IL34: variants seen among roughly 807,000 people sequenced by gnomAD.
The protein encoded by IL34 is interleukin-34.
IL34 carries 17 observed loss-of-function variants against 25.3 expected under a neutral mutation model. The observed-to-expected ratio is 0.67, with a 90% CI of 0.46 to 1.01. The LOEUF is 1.01. Ranked by LOEUF, IL34 falls within the 50% of genes least tolerant of loss-of-function variation. The pLI is 0.00. For missense variants in IL34, 368 were observed against 312.9 expected (o/e 1.18, Z -1.33); for synonymous variants, 174 against 140.9 (o/e 1.23, Z -1.66).
intron 1 of IL34, among the ~76,000 whole-genome samples, chr16:70,592,932 C>T (rs11643138): frequency 0.062 from 9,443 of 152,256 alleles, 417 homozygotes; most frequent in South Asian, 0.14. Flanking sequence ...GGATTACAGG[C>T]GTGAGCCACC....
At chr16:70,625,658 A>G (rs948148732) in intron 1 of IL34, among the ~76,000 whole-genome samples, 2 of 152,242 alleles carry the variant, frequency 1.3e-5, no homozygotes, top group Admixed American at 1.3e-4. Flanking sequence ...ATGATTAAAC[A>G]CCAAGGGAAG....
intron 1 of IL34, among the ~76,000 whole-genome samples, chr16:70,610,752 G>C (rs1248939431): frequency 1.3e-5 from 2 of 152,214 alleles, no homozygotes; most frequent in Non-Finnish European, 2.9e-5. Flanking sequence ...TCCAGGAAGA[G>C]ATAAGGCAAA....
chr16:70,596,463 G>T, intron 1 of IL34, among the ~76,000 whole-genome samples: 1 of 152,326 alleles, frequency 6.6e-6, no homozygotes, highest in Admixed American at 6.5e-5. Context: ...TGCAAAGCAG[G>T]CATCTGAGTG....
chr16:70,644,630 C>A (rs57738457), upstream of IL34, among the ~76,000 whole-genome samples: 44,338 of 148,852 alleles, frequency 0.3, 6,857 homozygotes, highest in South Asian at 0.46. Flanking sequence ...AAACTAATGA[C>A]AACTAAATGT....
chr16:70,580,606 C>A lies in IL34; in HGVS notation c.-401+557C>A, dbSNP rs1188011415. ...GACCAGCCTGGCCAACAAGATGAAA[C>A]CCTGTCTCTACTAAAAATACAAAAG... On this transcript the variant is annotated intron_variant, in intron 1 of 6. Transcript: ENST00000429149. 2.0e-5 allele frequency among the ~76,000 whole-genome samples: 3 copies of A among 151,998 alleles called. No individual in the cohort carries two copies. The East Asian group carries it at 5.8e-4, about 29-fold the overall frequency.
At chr16:70,639,478 A>C (rs1381774007) in intron 1 of IL34, among the ~76,000 whole-genome samples, 1 of 152,232 alleles carries the variant, frequency 6.6e-6, no homozygotes, top group African/African-American at 2.4e-5. Context: ...ATGAATTAGA[A>C]TATCACAATT....
chr16:70,609,985 C>A (rs1299691406), intron 1 of IL34, among the ~76,000 whole-genome samples: 2 of 152,182 alleles, frequency 1.3e-5, no homozygotes, highest in African/African-American at 4.8e-5. Context: ...AGGTGGATCA[C>A]CTGAGGTCTG....
intron 1 of IL34, among the ~76,000 whole-genome samples, chr16:70,634,161 T>C (rs1045651105): frequency 7.2e-5 from 11 of 152,088 alleles, no homozygotes; most frequent in African/African-American, 1.9e-4. Context: ...ATCTCTCTCT[T>C]CTTATCAGGA....
chr16:70,608,106 G>C (rs1197259998), intron 1 of IL34, among the ~76,000 whole-genome samples: 3 of 140,074 alleles, frequency 2.1e-5, no homozygotes, highest in African/African-American at 8.0e-5. Context: ...GGTGAATTAT[G>C]ATGATTGATT....
At chr16:70,585,362 C>G (rs892891957) in intron 1 of IL34, among the ~76,000 whole-genome samples, 1 of 152,122 alleles carries the variant, frequency 6.6e-6, no homozygotes, top group Admixed American at 6.5e-5. Flanking sequence ...TTGCTGAGAC[C>G]ACAGGCAAGT....
chr16:70,619,303 G>A (rs995584624), intron 1 of IL34, among the ~76,000 whole-genome samples: 9 of 152,026 alleles, frequency 5.9e-5, no homozygotes, highest in African/African-American at 2.2e-4. Flanking sequence ...GAGGTATCTT[G>A]TGGGTTAAGG....
chr16:70,617,368 G>A (rs1158953972), intron 1 of IL34, among the ~76,000 whole-genome samples: 1 of 152,206 alleles, frequency 6.6e-6, no homozygotes, highest in Non-Finnish European at 1.5e-5. Flanking sequence ...GATATCAGCT[G>A]TGATGGCTTG....
chr16:70,659,832 G>T, intron 5 of IL34, 79 bp downstream of exon 5: 1 of 1,529,306 alleles, frequency 6.5e-7, no homozygotes, highest in East Asian at 2.3e-5. Context: ...GGCAGAGCTG[G>T]CGTCCTCCCG....
chr16:70,597,915 G>A (rs1003572240), intron 1 of IL34, among the ~76,000 whole-genome samples: 5 of 152,104 alleles, frequency 3.3e-5, no homozygotes, highest in African/African-American at 1.2e-4. Flanking sequence ...TTGGCTCACT[G>A]TAACCTCTGC....
At chr16:70,659,903 T>G in intron 5 of IL34, 94 bp from the exon 6 acceptor site, 1 of 1,476,622 alleles carries the variant, frequency 6.8e-7, no homozygotes, top group Non-Finnish European at 9.1e-7. Context: ...GGGCCCTGGG[T>G]AGAGTGGGGG....
chr16:70,647,003 T>C, intron 1 of IL34, 28 bp downstream of exon 1: 1 of 1,442,234 alleles, frequency 6.9e-7, no homozygotes, highest in Non-Finnish European at 9.0e-7. Context: ...CCTAGGGACC[T>C]GCATTGGGAG....
chr16:70,591,611 C>T (rs2050755462), intron 1 of IL34, among the ~76,000 whole-genome samples: 1 of 151,986 alleles, frequency 6.6e-6, no homozygotes, highest in African/African-American at 2.4e-5. Flanking sequence ...ACCGTCCTCC[C>T]ACCCTGCCCC....
intron 1 of IL34, among the ~76,000 whole-genome samples, chr16:70,605,860 C>T (rs954278620): frequency 4.6e-5 from 7 of 151,472 alleles, no homozygotes; most frequent in Non-Finnish European, 1.0e-4. Context: ...TTAGTAGAGA[C>T]GGGGTTTCAT....
rs1374287090 is a variant in IL34 at position 70,660,199 on chromosome 16, G to A, written c.*12G>A. ...GCCTCTTGCCCTGAGCACCCTGGATGGTGACTGCGGATAGGGGCAGCCAGA... is the reference window on the plus strand; with the variant it reads ...GCCTCTTGCCCTGAGCACCCTGGATAGTGACTGCGGATAGGGGCAGCCAGA... On this transcript the variant is annotated 3_prime_UTR_variant, in exon 6 of 6. Coordinates refer to ENST00000288098, the MANE Select transcript of IL34 (RefSeq NM_001393494.1). 5 of 1,554,114 alleles carry A rather than the reference G, an allele frequency of 3.2e-6. No homozygotes were observed. In the Admixed American group the frequency reaches 6.0e-5, roughly 19 times the overall value.
Sources: gnomAD v4.1 joint callset for allele counts (sites outside exome capture counted in the v4.1 genomes callset) on GRCh38, gnomAD v4.1.1 for gene constraint, MANE v1.5 for transcripts, NCBI Gene and HGNC (gene_info 2026-07-23, HGNC 2026-07-21) for gene names.